The following SRRM4 variants were observed in gnomAD, a reference collection of about 807,000 sequenced individuals.
The protein encoded by SRRM4 is serine/arginine repetitive matrix 4.
Under a neutral mutation model 68.9 loss-of-function variants are expected in SRRM4, and 33 were observed. The observed-to-expected ratio is 0.48, with a 90% confidence interval of 0.36 to 0.64. The LOEUF (loss-of-function observed/expected upper bound fraction) is 0.64. Ranked by LOEUF, SRRM4 falls within the 30% of genes least tolerant of loss-of-function variation. SRRM4 has a pLI of 0.00. For synonymous variants in SRRM4, 318 were observed against 318.8 expected, an observed-to-expected ratio of 1.00 and a Z score of 0.03; for missense variants, 817 against 827.1, an observed-to-expected ratio of 0.99 and a Z score of 0.15.
At chr12:118,997,572 C>T (rs1379388284) in intron 1 of SRRM4, among the ~76,000 whole-genome samples, 1 of 152,068 alleles carries the variant, frequency 6.6e-6, no homozygotes, top group Non-Finnish European at 1.5e-5. Flanking sequence ...AATCCTTTTC[C>T]CTAAGGGCTT....
chr12:119,130,368 G>A (rs973547623), intron 7 of SRRM4, among the ~76,000 whole-genome samples: 2 of 140,568 alleles, frequency 1.4e-5, no homozygotes, highest in African/African-American at 5.3e-5. Context: ...GGATGATTGA[G>A]AGATGGCTAG....
At chr12:119,112,717 C>T (rs1261012340) in intron 2 of SRRM4, among the ~76,000 whole-genome samples, 1 of 152,184 alleles carries the variant, frequency 6.6e-6, no homozygotes, top group Non-Finnish European at 1.5e-5. Flanking sequence ...AAACCAAATA[C>T]TGCATGATCT....
intron 1 of SRRM4, among the ~76,000 whole-genome samples, chr12:119,044,351 T>C (rs970127581): frequency 1.3e-5 from 2 of 152,124 alleles, no homozygotes; most frequent in Admixed American, 6.5e-5. Context: ...CCTTGGGAGA[T>C]GTGGAGGGCG....
At chr12:119,106,812 G>A (rs1954110420) in intron 2 of SRRM4, among the ~76,000 whole-genome samples, 1 of 152,142 alleles carries the variant, frequency 6.6e-6, no homozygotes, top group South Asian at 2.1e-4. Flanking sequence ...TCTTTCTCCT[G>A]CCTGATTGCC....
At chr12:119,004,614 A>G (rs1168241382) in intron 1 of SRRM4, among the ~76,000 whole-genome samples, 1 of 151,982 alleles carries the variant, frequency 6.6e-6, no homozygotes, top group Non-Finnish European at 1.5e-5. Flanking sequence ...GGTCAGAATC[A>G]GGGCTCCAAC....
chr12:119,074,752 G>A (rs1953898200), intron 1 of SRRM4, among the ~76,000 whole-genome samples: 1 of 152,156 alleles, frequency 6.6e-6, no homozygotes, highest in South Asian at 2.1e-4. Flanking sequence ...CCCTGTGATT[G>A]TTATAGAAGC....
rs150983885 is a variant in SRRM4, at chr12:119,081,555, C to A, written c.132-20681C>A. 1.4e-4 allele frequency among the ~76,000 whole-genome samples: 21 copies of A among 152,186 alleles called. No homozygotes were observed. In the East Asian group the frequency reaches 3.9e-3, roughly 28 times the overall value. ...GGTAACAGGGGCCGGACTGTGTAGACCTTGTAGTTACTTTGGCTTTAGGGA... is the reference window on the plus strand; with the variant it reads ...GGTAACAGGGGCCGGACTGTGTAGAACTTGTAGTTACTTTGGCTTTAGGGA... On this transcript the variant is annotated intron_variant, in intron 1 of 12. Coordinates refer to ENST00000267260, the MANE Select transcript of SRRM4 (RefSeq NM_194286.4).
chr12:119,138,929 G>A (rs1440093242), intron 8 of SRRM4, among the ~76,000 whole-genome samples: 2 of 152,272 alleles, frequency 1.3e-5, no homozygotes, highest in East Asian at 1.9e-4. Flanking sequence ...GAACCCTGGT[G>A]TAAGGGTTCC....
intron 1 of SRRM4, among the ~76,000 whole-genome samples, chr12:119,032,120 C>T (rs112793554): frequency 6.6e-6 from 1 of 152,128 alleles, no homozygotes; most frequent in Non-Finnish European, 1.5e-5. Flanking sequence ...TCACTCTTCT[C>T]ACCTGAGCAA....
At chr12:119,089,746 T>TATC (rs10565255) in intron 1 of SRRM4, among the ~76,000 whole-genome samples, 1 of 151,316 alleles carries the variant, frequency 6.6e-6, no homozygotes, top group Non-Finnish European at 1.5e-5. Context: ...TCATCCTCAA[T>TATC]ATCATCATCA....
At chr12:119,136,084 T>C (rs7316628) in intron 8 of SRRM4, among the ~76,000 whole-genome samples, 18,343 of 152,188 alleles carry the variant, frequency 0.12, 1,452 homozygotes, top group African/African-American at 0.22. Flanking sequence ...GTTGCCATAA[T>C]ATTTTTTGTC....
At chr12:119,152,832 A>G (rs1954448058) in intron 10 of SRRM4, among the ~76,000 whole-genome samples, 1 of 152,232 alleles carries the variant, frequency 6.6e-6, no homozygotes, top group Non-Finnish European at 1.5e-5. Context: ...CAGAAAGCAA[A>G]GAAGACTAGG....
At chr12:118,983,395 T>C (rs542949960) in intron 1 of SRRM4, among the ~76,000 whole-genome samples, 6 of 152,206 alleles carry the variant, frequency 3.9e-5, no homozygotes, top group Non-Finnish European at 5.9e-5. Context: ...ACCCACCCAC[T>C]GACACAGGCT....
chr12:119,112,986 A>C (rs180694307), intron 2 of SRRM4, among the ~76,000 whole-genome samples: 214 of 152,286 alleles, frequency 1.4e-3, no homozygotes, highest in African/African-American at 4.9e-3. Flanking sequence ...TTAAAAAAAA[A>C]CAGCACATCA....
At position 119,162,855 on chromosome 12, in the gene SRRM4, T is replaced by C. The variant is rs1954523406; in HGVS notation, c.*6057T>C. 6.6e-6 allele frequency: 1 copy of C among 152,202 alleles called. No individual in the cohort carries two copies. The highest frequency in any genetic ancestry group is 6.5e-5 in the Admixed American group (1 of 15,276). 9.4% of individuals were successfully genotyped at this position (152,202 alleles called of 1,614,324 possible). On this transcript the variant is annotated 3_prime_UTR_variant, in exon 13 of 13. Transcript: ENST00000267260. ...GACCAGACAGCCTCTGCCTGGAGCA[T>C]TCACATCAGATGGAAAGAAGCTGCT...
At chr12:119,049,833 A>G (rs1038113909) in intron 1 of SRRM4, among the ~76,000 whole-genome samples, 2 of 152,244 alleles carry the variant, frequency 1.3e-5, no homozygotes, top group South Asian at 2.1e-4. Flanking sequence ...TTTTATACAT[A>G]TCTGTGTCCT....
At chr12:119,105,176 T>A (rs1954099384) in intron 2 of SRRM4, among the ~76,000 whole-genome samples, 1 of 152,036 alleles carries the variant, frequency 6.6e-6, no homozygotes, top group Non-Finnish European at 1.5e-5. Context: ...TGCATAGTAT[T>A]CCATGGTGTA....
At chr12:119,007,656 G>C (rs1004247389) in intron 1 of SRRM4, among the ~76,000 whole-genome samples, 4 of 152,204 alleles carry the variant, frequency 2.6e-5, no homozygotes, top group Admixed American at 2.6e-4. Context: ...ACTCAGAGAG[G>C]TTCAGTGACT....
intron 1 of SRRM4, among the ~76,000 whole-genome samples, chr12:119,014,540 T>C (rs1953469585): frequency 2.0e-5 from 3 of 152,190 alleles, no homozygotes; most frequent in Admixed American, 2.0e-4. Flanking sequence ...GCAAGGAGGC[T>C]TGGGCTATTT....
Sources: allele counts gnomAD v4.1 joint callset (sites outside exome capture counted in the v4.1 genomes callset), GRCh38; gene constraint gnomAD v4.1.1; transcripts MANE v1.5; gene names NCBI Gene and HGNC (gene_info 2026-07-23, HGNC 2026-07-21).